PPP4R3A: variants seen among roughly 807,000 people sequenced by gnomAD.
PPP4R3A encodes the protein protein phosphatase 4 regulatory subunit 3A, also known as serine/threonine-protein phosphatase 4 regulatory subunit 3A.
PPP4R3A carries 15 observed loss-of-function variants against 91.7 expected under a neutral mutation model. That is an observed-to-expected ratio of 0.16 (90% CI 0.11 to 0.25). The LOEUF (loss-of-function observed/expected upper bound fraction) is 0.25, where lower values mean the gene tolerates loss of function less well. PPP4R3A is among the 10% of genes least tolerant of loss of function. The probability of loss-of-function intolerance (pLI) is 1.00; values close to 1 mark genes in which losing one functional copy is unlikely to be tolerated. For missense variants in PPP4R3A, 623 were observed against 998.4 expected (o/e 0.62, Z 5.07); for synonymous variants, 377 against 348.7 (o/e 1.08, Z -0.91).
intron 4 of PPP4R3A, among the ~76,000 whole-genome samples, chr14:91,477,646 CTTTTG>C (rs1281667752): frequency 2.6e-5 from 4 of 152,110 alleles, no homozygotes; most frequent in African/African-American, 4.8e-5. Context: ...AAGATCTTGG[CTTTTG>C]TTTTGTTTTG....
intron 12 of PPP4R3A, 98 bp from the exon 13 acceptor site, chr14:91,462,337 G>A: frequency 8.5e-7 from 1 of 1,182,402 alleles, no homozygotes; most frequent in Non-Finnish European, 1.1e-6. Flanking sequence ...GAATTAACAT[G>A]AAATTTACAA....
At chr14:91,460,492 T>G (rs1357823683) in intron 14 of PPP4R3A, among the ~76,000 whole-genome samples, 2 of 152,044 alleles carry the variant, frequency 1.3e-5, no homozygotes, top group Non-Finnish European at 2.9e-5. Context: ...GATTCCCAAA[T>G]GCCAGTCTTT....
In PPP4R3A at chr14:91,473,279, C is replaced by T. The variant is rs759343277; in HGVS notation, c.1358G>A (p.Arg453Gln). The T allele has an allele frequency of 1.2e-6, 2 of 1,613,950 alleles. No homozygotes were observed. Among genetic ancestry groups the T allele is most frequent in the Non-Finnish European group, 1.7e-6 (2 of 1,179,992 alleles). The change falls in exon 8 of 15, where the codon CGA (arginine) becomes CAA (glutamine). Residue 453 changes from arginine (R) to glutamine (Q), a missense_variant. Physicochemically the swap from Arg to Gln is conservative, Grantham distance 43. Transcript: ENST00000554943. ...CATGTTCTCTGGGTCAACTAAAGTTCGAAGCAGGCCCATAAGCTGGACTGC... is the reference window on the plus strand; with the variant it reads ...CATGTTCTCTGGGTCAACTAAAGTTTGAAGCAGGCCCATAAGCTGGACTGC... ...GGAVQLMGLLRTLVDPENMLA... is the reference protein window; with the variant it reads ...GGAVQLMGLLQTLVDPENMLA...
intron 2 of PPP4R3A, 62 bp downstream of exon 2, chr14:91,490,685 A>G: frequency 3.0e-6 from 4 of 1,340,866 alleles, no homozygotes; most frequent in South Asian, 1.2e-5. Flanking sequence ...GCAATCAGAT[A>G]ATAAACTTTC....
At chr14:91,474,517 T>C (rs180850045) in intron 7 of PPP4R3A, 4 of 152,320 alleles carry the variant, frequency 2.6e-5, no homozygotes, top group Admixed American at 2.6e-4. Context: ...AGTCCTACTG[T>C]GTGTATTTTG....
chr14:91,468,667 C>CAA (rs766250846), intron 10 of PPP4R3A, among the ~76,000 whole-genome samples: 811 of 44,984 alleles, frequency 0.018, 106 homozygotes, highest in East Asian at 0.11. Context: ...GACTCCGTCT[C>CAA]AAAAAAAAAA....
chr14:91,499,400 A>G (rs565909990), intron 1 of PPP4R3A, among the ~76,000 whole-genome samples: 1 of 152,298 alleles, frequency 6.6e-6, no homozygotes, highest in African/African-American at 2.4e-5. Context: ...GGAATACTAC[A>G]CTACTTTTAA....
intron 1 of PPP4R3A, among the ~76,000 whole-genome samples, chr14:91,507,404 T>TATATACTATATAG (rs1566660288): frequency 1.3e-5 from 1 of 78,316 alleles, no homozygotes; most frequent in African/African-American, 6.1e-5. Flanking sequence ...TGTACTATAA[T>TATATACTATATAG]TATATATACT....
chr14:91,466,652 A>T (rs1888484223), intron 10 of PPP4R3A, among the ~76,000 whole-genome samples: 1 of 152,196 alleles, frequency 6.6e-6, no homozygotes, highest in African/African-American at 2.4e-5. Flanking sequence ...AAACATACTC[A>T]TGGTGAACTA....
chr14:91,488,697 A>G (rs1236371961), intron 2 of PPP4R3A, among the ~76,000 whole-genome samples: 2 of 152,160 alleles, frequency 1.3e-5, no homozygotes, highest in Non-Finnish European at 2.9e-5. Context: ...AGACAAAATT[A>G]AAGTTATGTT....
chr14:91,469,835 A>G (rs1888734201), intron 10 of PPP4R3A, among the ~76,000 whole-genome samples: 1 of 152,150 alleles, frequency 6.6e-6, no homozygotes, highest in East Asian at 1.9e-4. Flanking sequence ...AAGTGCTGGG[A>G]TTATAGACAT....
At chr14:91,467,944 T>C (rs1284883052) in intron 10 of PPP4R3A, among the ~76,000 whole-genome samples, 1 of 152,236 alleles carries the variant, frequency 6.6e-6, no homozygotes, top group Non-Finnish European at 1.5e-5. Flanking sequence ...ACACTTTTTT[T>C]CAGAAGAACC....
At chr14:91,475,727 A>T in intron 7 of PPP4R3A, 84 bp downstream of exon 7, 1 of 1,341,084 alleles carries the variant, frequency 7.5e-7, no homozygotes, top group Non-Finnish European at 1.0e-6. Context: ...CCAAACAGCA[A>T]CAATTAAATC....
intron 11 of PPP4R3A, among the ~76,000 whole-genome samples, chr14:91,464,488 G>A (rs1888360602): frequency 6.6e-6 from 1 of 152,072 alleles, no homozygotes; most frequent in Admixed American, 6.5e-5. Context: ...CGACATCCAG[G>A]TACTGTGGTA....
In PPP4R3A at chr14:91,508,089, T is replaced by C. The variant is rs151241683; in HGVS notation, c.142+1417A>G. Among the ~76,000 whole-genome samples, 5 of 152,354 alleles carry C rather than the reference T, an allele frequency of 3.3e-5. No individual in the cohort carries two copies. In the East Asian group the frequency reaches 9.6e-4, roughly 29 times the overall value. On this transcript the variant is annotated intron_variant, in intron 1 of 14. Transcript: ENST00000554943. ...AATGTGTGAAAGATCTAGAGTAGGT[T>C]ATTATGTGAGTCACATACAAAATTA...
At chr14:91,489,403 T>A (rs1890098757) in intron 2 of PPP4R3A, among the ~76,000 whole-genome samples, 1 of 152,212 alleles carries the variant, frequency 6.6e-6, no homozygotes, top group South Asian at 2.1e-4. Context: ...AGAATCACTT[T>A]GTGGCTGATG....
chr14:91,494,403 A>G (rs1240370936), intron 1 of PPP4R3A, among the ~76,000 whole-genome samples: 1 of 152,226 alleles, frequency 6.6e-6, no homozygotes, highest in Non-Finnish European at 1.5e-5. Context: ...GAAAGCATAT[A>G]TCTGGTAAAG....
At chr14:91,483,894 G>A (rs2140118877) in intron 3 of PPP4R3A, among the ~76,000 whole-genome samples, 1 of 152,298 alleles carries the variant, frequency 6.6e-6, no homozygotes, top group South Asian at 2.1e-4. Context: ...TATTAAAGGA[G>A]AGCCAGGCAT....
chr14:91,458,676 G>A lies in PPP4R3A; in HGVS notation c.*83C>T. On this transcript the variant is annotated 3_prime_UTR_variant, in exon 15 of 15. Transcript: ENST00000554943. ...TGTCAGTCATTCACAAGAGACCACTGCGCTTTGTTGTGGATTTTGTATGGG... is the reference window on the plus strand; with the variant it reads ...TGTCAGTCATTCACAAGAGACCACTACGCTTTGTTGTGGATTTTGTATGGG... 1.3e-6 allele frequency: 2 copies of A among 1,596,424 alleles called. No homozygotes were observed. The highest frequency in any genetic ancestry group is 2.2e-5 in the East Asian group (1 of 44,752).
Sources: gnomAD v4.1 joint callset for allele counts (sites outside exome capture counted in the v4.1 genomes callset) on GRCh38, gnomAD v4.1.1 for gene constraint, MANE v1.5 for transcripts, NCBI Gene and HGNC (gene_info 2026-07-23, HGNC 2026-07-21) for gene names.